The following CLDN16 variants were observed in gnomAD, a reference collection of about 807,000 sequenced individuals.
CLDN16 encodes claudin-16.
A neutral mutation model predicts 24.6 loss-of-function variants in CLDN16; 13 were observed. The observed-to-expected ratio is 0.53, with a 90% confidence interval of 0.34 to 0.84. CLDN16 has a LOEUF of 0.84. Among genes scored for constraint, CLDN16 ranks in the 40% least tolerant of loss-of-function variants. The probability of loss-of-function intolerance (pLI) is 0.01; values close to 1 mark genes in which losing one functional copy is unlikely to be tolerated. For missense variants in CLDN16, 298 were observed against 292.7 expected (o/e 1.02, Z -0.13); for synonymous variants, 116 against 106.7 (o/e 1.09, Z -0.54).
chr3:190,321,266 C>T (rs186636744), upstream of CLDN16, among the ~76,000 whole-genome samples: 6 of 152,284 alleles, frequency 3.9e-5, no homozygotes, highest in East Asian at 1.2e-3. Context: ...GTCAGCCTTT[C>T]CCCACCTGCC....
At chr3:190,369,749 AC>A (rs1718096086) in intron 1 of CLDN16, among the ~76,000 whole-genome samples, 1 of 151,940 alleles carries the variant, frequency 6.6e-6, no homozygotes, top group African/African-American at 2.4e-5. Flanking sequence ...ACTTCTTTGT[AC>A]TTATCTTTAG....
At chr3:190,402,316 G>C in intron 1 of CLDN16, 21 bp from the exon 2 acceptor site, 2 of 1,572,936 alleles carry the variant, frequency 1.3e-6, no homozygotes, top group Non-Finnish European at 1.8e-6. Context: ...TGTTTCACAC[G>C]GTGTCTTCTC....
At chr3:190,399,424 A>C (rs948351208) in intron 1 of CLDN16, among the ~76,000 whole-genome samples, 13 of 152,226 alleles carry the variant, frequency 8.5e-5, no homozygotes, top group Admixed American at 4.6e-4. Flanking sequence ...AGGCAGGAGA[A>C]TCGCTTGAAC....
chr3:190,303,508 T>C, the CLDN16 span, among the ~76,000 whole-genome samples: 1 of 152,000 alleles, frequency 6.6e-6, no homozygotes, highest in African/African-American at 2.4e-5. Context: ...GTGTGTTCAC[T>C]TTTTTTTCTA....
At chr3:190,409,443 A>C (rs554104826) in intron 4 of CLDN16, among the ~76,000 whole-genome samples, 1 of 151,960 alleles carries the variant, frequency 6.6e-6, no homozygotes, top group East Asian at 1.9e-4. Context: ...ACTATTATAC[A>C]TTTGAATATT....
At position 190,406,761 on chromosome 3, in the gene CLDN16, A is replaced by G. The variant is rs1445771450; in HGVS notation, c.383-1553A>G. 3.8e-5 allele frequency among the ~76,000 whole-genome samples: 3 copies of G among 79,316 alleles called. No homozygotes were observed. In the East Asian group the frequency reaches 1.2e-3, roughly 32 times the overall value. The allele number at this position is 79,316 out of a possible 152,430, so 52.0% of individuals were successfully genotyped here. On this transcript the variant is annotated intron_variant, in intron 3 of 4. Transcript: ENST00000264734. ...TGGCTTTTTTTTTTTTTTTTTTTTG[A>G]GATGGAGTCTCGCTCTGTCGCCCAG...
At chr3:190,374,551 T>C (rs527615251) in exon 3 of CLDN16, 14 of 152,084 alleles carry the variant, frequency 9.2e-5, no homozygotes, top group African/African-American at 3.1e-4. Flanking sequence ...GTTGGCCACC[T>C]GTTTGGAAAA....
chr3:190,326,378 C>T (rs561816742), intron 1 of CLDN16, among the ~76,000 whole-genome samples: 22 of 152,286 alleles, frequency 1.4e-4, no homozygotes, highest in Middle Eastern at 3.4e-3. Context: ...TGAAAAGATA[C>T]GCAGTTTCTC....
chr3:190,365,139 C>T lies in CLDN16; in HGVS notation n.122-5754C>T, dbSNP rs74913849. 0.016 allele frequency among the ~76,000 whole-genome samples: 2,398 copies of T among 151,930 alleles called. 126 individuals carry two copies. In the East Asian group the frequency reaches 0.17, roughly 11 times the overall value. ...AACACTACGGTCTATTAACTATCTTCACAGGTCTCATGTTTCCTGGCTGCC... is the reference window on the plus strand; with the variant it reads ...AACACTACGGTCTATTAACTATCTTTACAGGTCTCATGTTTCCTGGCTGCC... On this transcript the variant is annotated intron_variant and non_coding_transcript_variant, in intron 1 of 4. Coordinates refer to the CLDN16 transcript ENST00000468220.
intron 1 of CLDN16, among the ~76,000 whole-genome samples, chr3:190,358,024 T>C (rs1369444640): frequency 6.6e-6 from 1 of 151,872 alleles, no homozygotes; most frequent in Non-Finnish European, 1.5e-5. Flanking sequence ...AGGACTTCAG[T>C]ATGTATATAT....
chr3:190,322,535 C>CGA, upstream of CLDN16: 1 of 313,886 alleles, frequency 3.2e-6, no homozygotes. Flanking sequence ...TTCAGGGCGG[C>CGA]TCACCGAGAG....
At chr3:190,324,673 G>A (rs972650297) in intron 1 of CLDN16, among the ~76,000 whole-genome samples, 6 of 152,122 alleles carry the variant, frequency 3.9e-5, no homozygotes, top group Admixed American at 2.0e-4. Flanking sequence ...AGGTCTGTGC[G>A]AGGCTGATTA....
At chr3:190,293,715 C>A in the CLDN16 span, among the ~76,000 whole-genome samples, 1 of 152,034 alleles carries the variant, frequency 6.6e-6, no homozygotes, top group African/African-American at 2.4e-5. Flanking sequence ...TTGGACATAG[C>A]GTATGAGACA....
upstream of CLDN16, chr3:190,322,283 C>A (rs1716949355): frequency 7.6e-7 from 1 of 1,311,956 alleles, no homozygotes; most frequent in Non-Finnish European, 1.1e-6. Flanking sequence ...GCAACCCGGA[C>A]TCCCGAAGGT....
intron 1 of CLDN16, among the ~76,000 whole-genome samples, chr3:190,360,866 A>G (rs1717872893): frequency 1.3e-5 from 2 of 151,992 alleles, no homozygotes. Context: ...GAATAATACT[A>G]TAGTACCTCA....
chr3:190,360,955 A>G lies in CLDN16; in HGVS notation n.122-9938A>G, dbSNP rs142577240. Among the ~76,000 whole-genome samples, 249 of 152,172 alleles carry G rather than the reference A, an allele frequency of 1.6e-3. 2 individuals are homozygous for G. The highest frequency in any genetic ancestry group is 4.9e-3 in the African/African-American group (202 of 41,572). ...GCTATTATTAAATGTGATAAACTCC[A>G]TAATACGTTGTTATTGTACTTGCTT... On this transcript the variant is annotated intron_variant and non_coding_transcript_variant, in intron 1 of 4. Coordinates refer to the CLDN16 transcript ENST00000468220.
chr3:190,315,844 T>C, the CLDN16 span, among the ~76,000 whole-genome samples: 1 of 152,290 alleles, frequency 6.6e-6, no homozygotes, highest in African/African-American at 2.4e-5. Context: ...GAAGTCTAAC[T>C]GGGCATCAAT....
At chr3:190,348,442 G>A in intron 1 of CLDN16, among the ~76,000 whole-genome samples, 1 of 151,858 alleles carries the variant, frequency 6.6e-6, no homozygotes, top group Non-Finnish European at 1.5e-5. Flanking sequence ...TTAAAGCCAT[G>A]GGAATAGAAG....
intron 4 of CLDN16, 127 bp downstream of exon 4, chr3:190,408,632 C>A: frequency 3.4e-6 from 3 of 878,432 alleles, no homozygotes; most frequent in Non-Finnish European, 5.4e-6. Context: ...ATTAAAAATT[C>A]CAATTGTTCA....
Sources: allele counts gnomAD v4.1 joint callset (sites outside exome capture counted in the v4.1 genomes callset), GRCh38; gene constraint gnomAD v4.1.1; transcripts MANE v1.5; gene names NCBI Gene and HGNC (gene_info 2026-07-23, HGNC 2026-07-21).